The following CACNG4 variants were observed in gnomAD, a reference collection of about 807,000 sequenced individuals.
The protein encoded by CACNG4 is calcium voltage-gated channel auxiliary subunit gamma 4, also known as voltage-dependent calcium channel gamma-4 subunit.
In CACNG4, 8 loss-of-function variants were observed where a neutral mutation model predicts 22.9. That is an observed-to-expected ratio of 0.35 (90% confidence interval 0.21 to 0.63). The LOEUF is 0.63. Ranked by LOEUF, CACNG4 falls within the 30% of genes least tolerant of loss-of-function variation. The pLI is 0.72. For missense variants in CACNG4, 357 were observed against 455.4 expected (o/e 0.78, Z 1.97); for synonymous variants, 188 against 191.9 (o/e 0.98, Z 0.17).
chr17:66,994,741 C>T (rs1017739283), intron 1 of CACNG4, among the ~76,000 whole-genome samples: 66 of 152,334 alleles, frequency 4.3e-4, no homozygotes, highest in African/African-American at 1.3e-3. Context: ...GGAGGATTCA[C>T]TGATGTAACA....
chr17:67,008,370 C>T (rs935435836), intron 1 of CACNG4, among the ~76,000 whole-genome samples: 2 of 152,112 alleles, frequency 1.3e-5, no homozygotes, highest in African/African-American at 4.8e-5. Flanking sequence ...TAGGAAATCA[C>T]AGTTATTAGG....
At chr17:66,974,232 C>T (rs2035222314) in intron 1 of CACNG4, among the ~76,000 whole-genome samples, 1 of 152,168 alleles carries the variant, frequency 6.6e-6, no homozygotes. Flanking sequence ...GCTGAGCTTC[C>T]TGGAGGCCAG....
At chr17:67,022,272 A>C (rs894462521) in intron 2 of CACNG4, among the ~76,000 whole-genome samples, 5 of 152,060 alleles carry the variant, frequency 3.3e-5, no homozygotes, top group Non-Finnish European at 5.9e-5. Context: ...ACTGGGTTTC[A>C]CAATGTTGGC....
chr17:66,980,767 C>T (rs1394364464), intron 1 of CACNG4, among the ~76,000 whole-genome samples: 8 of 151,606 alleles, frequency 5.3e-5, no homozygotes, highest in Non-Finnish European at 1.2e-4. Context: ...TACAGGCGTG[C>T]ACCACCACAC....
intron 3 of CACNG4, among the ~76,000 whole-genome samples, chr17:67,029,409 A>C (rs1028834285): frequency 1.3e-5 from 2 of 152,036 alleles, no homozygotes; most frequent in Non-Finnish European, 2.9e-5. Flanking sequence ...AGGCAGGTGG[A>C]TCATGAGGCC....
rs1329651790 is a variant in CACNG4 at position 66,965,792 on chromosome 17, C to G, written c.220+661C>G. On this transcript the variant is annotated intron_variant, in intron 1 of 3. Transcript: ENST00000262138. Reference sequence around the variant, plus strand: ...GCGGATCTAGGGTAGCTGGGTAGGCCCAGCCCGACGCCCGCCTCGTCTCCC... The same window carrying G: ...GCGGATCTAGGGTAGCTGGGTAGGCGCAGCCCGACGCCCGCCTCGTCTCCC... 1.2e-3 allele frequency among the ~76,000 whole-genome samples: 185 copies of G among 152,150 alleles called. 6 individuals are homozygous for G. The highest frequency in any genetic ancestry group is 0.012 in the Admixed American group (183 of 15,296).
At chr17:66,999,127 T>C (rs538807274) in intron 1 of CACNG4, among the ~76,000 whole-genome samples, 8 of 152,346 alleles carry the variant, frequency 5.3e-5, no homozygotes, top group African/African-American at 1.4e-4. Context: ...CCTCAGTTTC[T>C]TCATCTGTAA....
At chr17:67,026,602 G>C (rs1372528678) in intron 3 of CACNG4, among the ~76,000 whole-genome samples, 1 of 144,920 alleles carries the variant, frequency 6.9e-6, no homozygotes, top group Non-Finnish European at 1.5e-5. Flanking sequence ...TGAGGAGTGT[G>C]GTGTGTGTAT....
At chr17:66,972,885 C>A (rs9916833) in intron 1 of CACNG4, among the ~76,000 whole-genome samples, 3 of 151,794 alleles carry the variant, frequency 2.0e-5, no homozygotes, top group Non-Finnish European at 4.4e-5. Context: ...GAGATCCCAC[C>A]ACCGCACTCC....
chr17:66,982,000 C>T (rs1333528243), intron 1 of CACNG4, among the ~76,000 whole-genome samples: 3 of 152,160 alleles, frequency 2.0e-5, no homozygotes, highest in African/African-American at 7.2e-5. Flanking sequence ...GTGGTGGGAT[C>T]ATAGTGTGTC....
rs138848617 is a variant in CACNG4 at position 66,978,284 on chromosome 17, G to A, written c.220+13153G>A. The stretch of plus-strand genomic sequence containing the variant: ...CTATGCAAGTTTGCTGGCAGGAGTC[G>A]CGATAAAGTATCTAAGTGCTTGCTT... On this transcript the variant is annotated intron_variant, in intron 1 of 3. Transcript: ENST00000262138. Among the ~76,000 whole-genome samples, 1,304 of 152,276 alleles carry A rather than the reference G, an allele frequency of 8.6e-3. 8 individuals carry two copies. Among genetic ancestry groups the A allele is most frequent in the Middle Eastern group, 0.051 (15 of 294 alleles).
Position 67,031,829 on chromosome 17 carries a change from C to T in CACNG4, c.*825C>T. The T allele has an allele frequency of 4.4e-6, 2 of 456,694 alleles. No individual in the cohort carries two copies. Among genetic ancestry groups the T allele is most frequent in the South Asian group, 1.5e-5 (1 of 64,568 alleles). 28.3% of individuals were successfully genotyped at this position (456,694 alleles called of 1,614,324 possible). On this transcript the variant is annotated 3_prime_UTR_variant, in exon 4 of 4. Coordinates refer to ENST00000262138, the MANE Select transcript of CACNG4 (RefSeq NM_014405.4). The surrounding 1 kb of genome is among the most constrained non-coding windows in gnomAD (Gnocchi z 4.0). ...GGCCACGTGACCTCTTGCCGTGCCC[C>T]TTGTCATAGACCCAAGGAGCAACTC...
At chr17:67,007,006 C>T (rs1035119445) in intron 1 of CACNG4, among the ~76,000 whole-genome samples, 1 of 152,094 alleles carries the variant, frequency 6.6e-6, no homozygotes, top group Admixed American at 6.5e-5. Flanking sequence ...AAAACCCTGT[C>T]TCCACTAAAA....
At chr17:67,016,668 CAAGAT>C (rs1410959786) in intron 1 of CACNG4, among the ~76,000 whole-genome samples, 1 of 152,188 alleles carries the variant, frequency 6.6e-6, no homozygotes, top group Non-Finnish European at 1.5e-5. Flanking sequence ...CCTTTGGTGT[CAAGAT>C]GAGCTTGTGG....
rs1224372656 is a variant in CACNG4, at chr17:67,031,978, A to G, written c.*974A>G. The stretch of plus-strand genomic sequence containing the variant: ...GAGACCTAAGGGTGAACAGTGGCCA[A>G]TAAAAACCCTAGAGAACAAACATCC... On this transcript the variant is annotated 3_prime_UTR_variant, in exon 4 of 4. Coordinates refer to ENST00000262138, the MANE Select transcript of CACNG4 (RefSeq NM_014405.4). This position sits in a 1 kb window ranked among gnomAD's most constrained non-coding sequence, Gnocchi z 4.0. 2.2e-6 allele frequency: 1 copy of G among 456,728 alleles called. No individual in the cohort carries two copies. Among genetic ancestry groups the G allele is most frequent in the South Asian group, 1.5e-5 (1 of 64,568 alleles). 28.3% of individuals were successfully genotyped at this position (456,728 alleles called of 1,614,324 possible). A position where few individuals can be genotyped will look rare whatever the true frequency, so the allele number is the denominator to read the frequency against.
rs1300948218 is a variant in CACNG4 at position 66,994,706 on chromosome 17, G to C, written c.221-23483G>C. 2.0e-5 allele frequency among the ~76,000 whole-genome samples: 3 copies of C among 152,246 alleles called. No individual in the cohort carries two copies. In the East Asian group the frequency reaches 5.8e-4, roughly 29 times the overall value. On this transcript the variant is annotated intron_variant, in intron 1 of 3. Coordinates refer to ENST00000262138, the MANE Select transcript of CACNG4 (RefSeq NM_014405.4). ...TTTTCTCCTCTGTGAAATGGGAACA[G>C]CAGTCCCTATCTTCTGGATTTTCAG...
At chr17:66,965,159 C>A in intron 1 of CACNG4, 28 bp downstream of exon 1, 1 of 924,566 alleles carries the variant, frequency 1.1e-6, no homozygotes, top group Non-Finnish European at 1.5e-6. Context: ...CCCTCGCCGC[C>A]CCACACACAC....
chr17:66,981,001 C>A (rs565913853), intron 1 of CACNG4, among the ~76,000 whole-genome samples: 3 of 152,222 alleles, frequency 2.0e-5, no homozygotes, highest in Non-Finnish European at 4.4e-5. Flanking sequence ...AGAAAAAAAT[C>A]TTTGCATGGT....
chr17:66,985,172 A>G (rs999219162), intron 1 of CACNG4, among the ~76,000 whole-genome samples: 1 of 151,806 alleles, frequency 6.6e-6, no homozygotes, highest in Non-Finnish European at 1.5e-5. Flanking sequence ...TCTGTTTCCA[A>G]CTCCCTACCT....
Sources: gnomAD v4.1 joint callset for allele counts (sites outside exome capture counted in the v4.1 genomes callset) on GRCh38, gnomAD v4.1.1 for gene constraint, Gnocchi (gnomAD v3.1) non-coding constraint, MANE v1.5 for transcripts, NCBI Gene and HGNC (gene_info 2026-07-23, HGNC 2026-07-21) for gene names.